PDE12: variants seen among roughly 807,000 people sequenced by gnomAD.
PDE12 encodes phosphodiesterase 12.
A neutral mutation model predicts 45.4 loss-of-function variants in PDE12; 26 were observed. The ratio of observed to expected loss-of-function variants is 0.57; its 90% CI spans 0.42 to 0.79. The LOEUF is 0.79. Among genes scored for constraint, PDE12 ranks in the 30% least tolerant of loss-of-function variants. The pLI is 0.00. For missense variants in PDE12, 668 were observed against 790.0 expected, an observed-to-expected ratio of 0.85 and a Z score of 1.85; for synonymous variants, 283 against 323.9, an observed-to-expected ratio of 0.87 and a Z score of 1.36.
chr3:57,634,811 A>G, the PDE12 span: 5 of 1,449,486 alleles, frequency 3.4e-6, no homozygotes, highest in Admixed American at 1.2e-4. Context: ...TATTCTAATC[A>G]TACATATTAC....
At chr3:57,627,532 A>C in the PDE12 span, 1 of 152,162 alleles carries the variant, frequency 6.6e-6, no homozygotes, top group African/African-American at 2.4e-5. Flanking sequence ...AACTGGTAAC[A>C]TTAAATTTTG....
chr3:57,637,353 C>T, the PDE12 span, among the ~76,000 whole-genome samples: 2 of 152,164 alleles, frequency 1.3e-5, no homozygotes, highest in African/African-American at 4.8e-5. Flanking sequence ...AAACTAGGTA[C>T]AATCCAGAAA....
the PDE12 span, among the ~76,000 whole-genome samples, chr3:57,614,693 T>C: frequency 5.8e-4 from 87 of 151,168 alleles, no homozygotes; most frequent in Non-Finnish European, 1.0e-3. Context: ...TACAGGCGCC[T>C]GCCAACACGC....
chr3:57,630,993 A>G, the PDE12 span: 4 of 1,607,824 alleles, frequency 2.5e-6, no homozygotes, highest in South Asian at 4.5e-5. Context: ...AACCAAGAAA[A>G]AAGTTAATAA....
downstream of PDE12, among the ~76,000 whole-genome samples, chr3:57,569,677 T>C (rs757579209): frequency 4.0e-5 from 6 of 151,722 alleles, no homozygotes; most frequent in Non-Finnish European, 5.9e-5. Context: ...TTAAAAACTA[T>C]AAAAATTACC....
the PDE12 span, among the ~76,000 whole-genome samples, chr3:57,582,311 C>T: frequency 5.3e-5 from 8 of 150,022 alleles, no homozygotes; most frequent in African/African-American, 1.5e-4. Context: ...GGTGTGATCT[C>T]GGCTCATCAC....
the PDE12 span, among the ~76,000 whole-genome samples, chr3:57,653,941 CTTTTTTT>C: frequency 4.4e-4 from 33 of 75,834 alleles, no homozygotes; most frequent in East Asian, 2.4e-3. Context: ...TAGAAATTCA[CTTTTTTT>C]TTTTTTTTTT....
the PDE12 span, among the ~76,000 whole-genome samples, chr3:57,575,359 CAGT>C: frequency 8.7e-5 from 13 of 149,780 alleles, 1 homozygote. Context: ...ACCTATTCTA[CAGT>C]AGTTTTCCGT....
chr3:57,630,860 A>G, the PDE12 span: 2 of 1,610,594 alleles, frequency 1.2e-6, no homozygotes, highest in African/African-American at 1.3e-5. Flanking sequence ...AGAAATTAGG[A>G]GTGGATATGT....
chr3:57,614,908 G>A, the PDE12 span, among the ~76,000 whole-genome samples: 3 of 151,282 alleles, frequency 2.0e-5, no homozygotes, highest in South Asian at 2.1e-4. Flanking sequence ...CAGGAGAATC[G>A]CTTGAATCCG....
chr3:57,647,867 G>T, the PDE12 span, among the ~76,000 whole-genome samples: 1 of 150,928 alleles, frequency 6.6e-6, no homozygotes, highest in Non-Finnish European at 1.5e-5. Flanking sequence ...GGGGGTGGGG[G>T]GTCAATCCAA....
At chr3:57,651,964 C>T in the PDE12 span, among the ~76,000 whole-genome samples, 1 of 152,088 alleles carries the variant, frequency 6.6e-6, no homozygotes, top group African/African-American at 2.4e-5. Context: ...ACCCCAACAC[C>T]TAGGTGGGAG....
chr3:57,643,006 C>CAA, the PDE12 span, among the ~76,000 whole-genome samples: 1,668 of 104,432 alleles, frequency 0.016, 15 homozygotes, highest in Non-Finnish European at 0.019. Flanking sequence ...GACTTCATCT[C>CAA]AAAAAAAAAA....
the PDE12 span, among the ~76,000 whole-genome samples, chr3:57,614,616 T>C: frequency 6.9e-6 from 1 of 143,966 alleles, no homozygotes; most frequent in Non-Finnish European, 1.5e-5. Context: ...CGATCTCGGC[T>C]CACTGCAAGC....
chr3:57,613,918 A>AG, the PDE12 span, among the ~76,000 whole-genome samples: 1 of 149,588 alleles, frequency 6.7e-6, no homozygotes, highest in Non-Finnish European at 1.5e-5. Context: ...AAAAAAAAAA[A>AG]AAAAAGAAAT....
At chr3:57,651,846 G>T in the PDE12 span, among the ~76,000 whole-genome samples, 1 of 152,064 alleles carries the variant, frequency 6.6e-6, no homozygotes, top group Non-Finnish European at 1.5e-5. Context: ...GGTAATAATG[G>T]ATTAGAATCT....
the PDE12 span, among the ~76,000 whole-genome samples, chr3:57,581,659 G>A: frequency 6.6e-6 from 1 of 152,164 alleles, no homozygotes; most frequent in African/African-American, 2.4e-5. Context: ...AATTAGCCAG[G>A]TGTGGTGGCG....
the PDE12 span, chr3:57,633,286 T>C: frequency 6.2e-7 from 1 of 1,613,588 alleles, no homozygotes; most frequent in Non-Finnish European, 8.5e-7. Flanking sequence ...TGAAACTTTG[T>C]GTCAGTTCCA....
Position 57,557,087 on chromosome 3 carries a change from C to G in PDE12, c.708C>G (p.Thr236=). Residue 236 remains threonine (T), a synonymous_variant, in exon 1 of 3, where the codon ACC becomes ACG. Coordinates refer to ENST00000311180, the MANE Select transcript of PDE12 (RefSeq NM_177966.7). ...TETDVEERVY[T]PSNADIGLRL... Reference sequence around the variant, plus strand: ...CTGATGTGGAGGAGCGTGTCTACACCCCGTCCAATGCCGACATCGGGCTAA... The same window carrying G: ...CTGATGTGGAGGAGCGTGTCTACACGCCGTCCAATGCCGACATCGGGCTAA... The G allele has an allele frequency of 6.2e-7, 1 of 1,614,016 alleles. No homozygotes were observed. The highest frequency in any genetic ancestry group is 8.5e-7 in the Non-Finnish European group (1 of 1,180,008).
Sources: gnomAD v4.1 joint callset for allele counts (sites outside exome capture counted in the v4.1 genomes callset) on GRCh38, gnomAD v4.1.1 for gene constraint, MANE v1.5 for transcripts, NCBI Gene and HGNC (gene_info 2026-07-23, HGNC 2026-07-21) for gene names.